TNRC18: variants seen among roughly 807,000 people sequenced by gnomAD.
TNRC18 encodes trinucleotide repeat-containing gene 18 protein.
In TNRC18, 69 loss-of-function variants were observed where a neutral mutation model predicts 226.7. That is an observed-to-expected ratio of 0.30 (90% CI 0.25 to 0.37). TNRC18 has a LOEUF of 0.37. Among genes scored for constraint, TNRC18 ranks in the 10% least tolerant of loss-of-function variants. The pLI, the probability that TNRC18 is intolerant of heterozygous loss-of-function variation, is 1.00. For missense variants in TNRC18, 4,754 were observed against 4,256.6 expected (o/e 1.12, Z -3.25); for synonymous variants, 2,449 against 1,927.6 (o/e 1.27, Z -7.09).
intron 3 of TNRC18, among the ~76,000 whole-genome samples, chr7:5,393,714 G>A (rs920489310): frequency 1.3e-5 from 2 of 152,174 alleles, no homozygotes; most frequent in Non-Finnish European, 2.9e-5. Flanking sequence ...AGGTCTGCAG[G>A]CCCATTCCTT....
At chr7:5,353,009 T>C (rs1791988946) in intron 16 of TNRC18, among the ~76,000 whole-genome samples, 1 of 152,066 alleles carries the variant, frequency 6.6e-6, no homozygotes, top group Non-Finnish European at 1.5e-5. Context: ...GTGGCGGGCA[T>C]TCCTCTGACT....
At chr7:5,406,158 G>A (rs1314920076) in intron 2 of TNRC18, among the ~76,000 whole-genome samples, 1 of 152,150 alleles carries the variant, frequency 6.6e-6, no homozygotes, top group African/African-American at 2.4e-5. Flanking sequence ...AGTGAAATAA[G>A]CCAGACATAA....
Position 5,402,162 on chromosome 7 carries a change from C to G in TNRC18, c.188-7567G>C, listed in dbSNP as rs1403060283. On this transcript the variant is annotated intron_variant, in intron 2 of 29. Coordinates refer to ENST00000430969, the MANE Select transcript of TNRC18 (RefSeq NM_001080495.3). ...CCACTGTACTCCAGCCTGGGCAACA[C>G]AGCGAGACTCTGTCTCAAAAAAAAA... Among the ~76,000 whole-genome samples the G allele has an allele frequency of 1.8e-4, 23 of 126,718 alleles. 1 individual carries two copies. The highest frequency in any genetic ancestry group is 5.8e-4 in the African/African-American group (18 of 31,034). 83.1% of individuals were successfully genotyped at this position (126,718 alleles called of 152,430 possible). A position where few individuals can be genotyped will look rare whatever the true frequency, so the allele number is the denominator to read the frequency against.
intron 19 of TNRC18, among the ~76,000 whole-genome samples, chr7:5,326,981 G>A (rs189656238): frequency 8.3e-4 from 127 of 152,150 alleles, no homozygotes; most frequent in Non-Finnish European, 1.2e-3. Context: ...AAAAGTAGCT[G>A]GGCATGGTGG....
chr7:5,401,118 C>CA (rs1475802176), intron 2 of TNRC18, among the ~76,000 whole-genome samples: 1 of 151,910 alleles, frequency 6.6e-6, no homozygotes, highest in Non-Finnish European at 1.5e-5. Flanking sequence ...CCGAGTGACT[C>CA]ACCCACCATG....
chr7:5,392,621 A>G (rs1362678396), intron 3 of TNRC18, among the ~76,000 whole-genome samples: 3 of 152,188 alleles, frequency 2.0e-5, no homozygotes, highest in Non-Finnish European at 4.4e-5. Flanking sequence ...ATTTCAAAAA[A>G]TAAATAAATA....
intron 29 of TNRC18, 27 bp downstream of exon 29, chr7:5,308,848 C>CCCACCACCA (rs554158550): frequency 6.7e-5 from 92 of 1,376,794 alleles, no homozygotes; most frequent in African/African-American, 1.7e-4. Flanking sequence ...CCCCAACCCG[C>CCCACCACCA]CCACCACCAC....
Position 5,324,305 on chromosome 7 carries a change from G to A in TNRC18, c.6351C>T (p.Ala2117=), listed in dbSNP as rs754704211. 3.1e-6 allele frequency: 5 copies of A among 1,613,596 alleles called. No individual in the cohort carries two copies. The Admixed American group carries it at 5.0e-5, about 16-fold the overall frequency. The change falls in exon 21 of 30, where the codon GCC becomes GCT. Residue 2117 remains alanine, a synonymous_variant. Coordinates refer to ENST00000430969, the MANE Select transcript of TNRC18 (RefSeq NM_001080495.3). This position sits in a 1 kb window ranked among gnomAD's most constrained non-coding sequence, Gnocchi z 4.8. The part of the protein sequence containing the change: ...AVSKLMESMA[A]EEDFEPNQDS... ...CTTGGTTGGGTTCAAAGTCCTCCTCGGCTGCCATGCTCTCCATCAGCTTGC... is the reference window on the plus strand; with the variant it reads ...CTTGGTTGGGTTCAAAGTCCTCCTCAGCTGCCATGCTCTCCATCAGCTTGC...
chr7:5,389,075 C>G lies in TNRC18; in HGVS notation c.749G>C (p.Arg250Pro). ...CAGGCGCGGGGGCCCCCGGTCCTGG[C>G]GGCCCTCGGCGCGCGCCTCCTGGGT... ...DLTQEARAEG[R>P]QDRGPPRLAE... The change falls in exon 5 of 30, where the codon CGC (arginine) becomes CCC (proline). Residue 250 changes from arginine (R) to proline (P), a missense_variant. Coordinates refer to ENST00000430969, the MANE Select transcript of TNRC18 (RefSeq NM_001080495.3). 1.6e-6 allele frequency: 2 copies of G among 1,279,130 alleles called. No homozygotes were observed. The allele number at this position is 1,279,130 out of a possible 1,614,324, so 79.2% of individuals were successfully genotyped here.
At chr7:5,378,268 TGTCTATG>T (rs1214485980) in intron 5 of TNRC18, among the ~76,000 whole-genome samples, 1 of 152,152 alleles carries the variant, frequency 6.6e-6, no homozygotes, top group Non-Finnish European at 1.5e-5. Context: ...CCAAAAGGCC[TGTCTATG>T]TCCCCTAGAC....
Position 5,377,515 on chromosome 7 carries a change from G to T in TNRC18, c.2317C>A (p.Leu773Met). 1 of 1,588,228 alleles carries T rather than the reference G, an allele frequency of 6.3e-7. No individual in the cohort carries two copies. Among genetic ancestry groups the T allele is most frequent in the Non-Finnish European group, 8.6e-7 (1 of 1,167,922 alleles). Reference protein sequence around the residue: ...LHPTSCAPNGLNPNLMVTGGP... With the variant: ...LHPTSCAPNGMNPNLMVTGGP... ...CCCGTCACCATGAGGTTGGGGTTCAGGCCGTTAGGAGCACAGCTGGTAGGG... is the reference window on the plus strand; with the variant it reads ...CCCGTCACCATGAGGTTGGGGTTCATGCCGTTAGGAGCACAGCTGGTAGGG... The change falls in exon 7 of 30, where the codon CTG becomes ATG. Residue 773 changes from leucine to methionine, a missense_variant. Transcript: ENST00000430969. This position sits in a 1 kb window ranked among gnomAD's most constrained non-coding sequence, Gnocchi z 5.8.
In TNRC18 at chr7:5,324,379, A is replaced by C. The variant is rs1035336968; in HGVS notation, c.6301-24T>G. On this transcript the variant is annotated intron_variant, in intron 20 of 29. Coordinates refer to ENST00000430969, the MANE Select transcript of TNRC18 (RefSeq NM_001080495.3). The surrounding 1 kb of genome is among the most constrained non-coding windows in gnomAD (Gnocchi z 4.8). Reference sequence around the variant, plus strand: ...TTCTGGGGACAGAACATGGCCGACAAATGACTTAGGACCTGAACAGGGGTC... The same window carrying C: ...TTCTGGGGACAGAACATGGCCGACACATGACTTAGGACCTGAACAGGGGTC... 1.2e-6 allele frequency: 2 copies of C among 1,611,842 alleles called. No individual in the cohort carries two copies. Among genetic ancestry groups the C allele is most frequent in the African/African-American group, 2.7e-5 (2 of 74,912 alleles).
rs1417711838 is a variant in TNRC18 at position 5,370,440 on chromosome 7, T to C, written c.4154A>G (p.His1385Arg). Reference protein sequence around the residue: ...ESLVLEQSFLHGITLLSEIAE... With the variant: ...ESLVLEQSFLRGITLLSEIAE... ...GATCTCACTTAGCAGGGTGATGCCATGCAGGAAGCTCTGCTCCAAGACAAG... is the reference window on the plus strand; with the variant it reads ...GATCTCACTTAGCAGGGTGATGCCACGCAGGAAGCTCTGCTCCAAGACAAG... The change falls in exon 11 of 30, where the codon CAT becomes CGT. Residue 1385 changes from histidine (H) to arginine (R), a missense_variant. Transcript: ENST00000430969. The C allele has an allele frequency of 1.3e-6, 2 of 1,559,860 alleles. No individual in the cohort carries two copies. The highest frequency in any genetic ancestry group is 2.4e-5 in the East Asian group (1 of 41,550).
chr7:5,375,603 C>T (rs1218043045), intron 9 of TNRC18, among the ~76,000 whole-genome samples: 8 of 152,130 alleles, frequency 5.3e-5, no homozygotes, highest in Non-Finnish European at 1.2e-4. Context: ...TGTCCCCTAT[C>T]TTATGGGACC....
chr7:5,373,556 C>G (rs1794355860), intron 10 of TNRC18, among the ~76,000 whole-genome samples: 1 of 152,214 alleles, frequency 6.6e-6, no homozygotes. Flanking sequence ...CAAAGTCCTC[C>G]CAAGCACACG....
At chr7:5,322,820 C>T (rs1053737154) in intron 21 of TNRC18, among the ~76,000 whole-genome samples, 1 of 152,192 alleles carries the variant, frequency 6.6e-6, no homozygotes, top group Non-Finnish European at 1.5e-5. Flanking sequence ...ATGGGTGGGA[C>T]GGCCGTATCC....
chr7:5,422,105 C>G (rs1251945402), intron 1 of TNRC18, among the ~76,000 whole-genome samples: 2 of 152,056 alleles, frequency 1.3e-5, no homozygotes, highest in African/African-American at 4.8e-5. Flanking sequence ...CCCCCCCTTT[C>G]TCCCCCCGGG....
At chr7:5,352,187 G>A (rs1057008785) in intron 16 of TNRC18, 93 bp from the exon 17 acceptor site, 11 of 1,332,732 alleles carry the variant, frequency 8.3e-6, no homozygotes, top group Admixed American at 2.7e-5. Context: ...GAACGTACTG[G>A]AAGGTGCCAG....
At chr7:5,400,395 A>G (rs1781000911) in intron 2 of TNRC18, among the ~76,000 whole-genome samples, 1 of 151,914 alleles carries the variant, frequency 6.6e-6, no homozygotes, top group Non-Finnish European at 1.5e-5. Flanking sequence ...GGATCACCTG[A>G]GGTCAGGGGT....
Sources: allele counts gnomAD v4.1 joint callset (sites outside exome capture counted in the v4.1 genomes callset), GRCh38; gene constraint gnomAD v4.1.1; non-coding constraint Gnocchi (gnomAD v3.1); transcripts MANE v1.5; gene names NCBI Gene and HGNC (gene_info 2026-07-23, HGNC 2026-07-21).